Variants in EPHA5 observed in about 807,000 individuals in gnomAD.
EPHA5 encodes the protein EPH receptor A5, also known as ephrin type-A receptor 5.
Under a neutral mutation model 105.0 loss-of-function variants are expected in EPHA5, and 60 were observed. The observed-to-expected ratio is 0.57, with a 90% CI of 0.46 to 0.71. EPHA5 has a LOEUF of 0.71. EPHA5 is among the 30% of genes least tolerant of loss of function. The probability of loss-of-function intolerance (pLI) is 0.00; values close to 1 mark genes in which losing one functional copy is unlikely to be tolerated. For missense variants in EPHA5, 1,218 were observed against 1,274.7 expected (o/e 0.96, Z 0.68); for synonymous variants, 513 against 449.1 (o/e 1.14, Z -1.80).
At chr4:65,637,487 C>T (rs1747237150) in intron 2 of EPHA5, among the ~76,000 whole-genome samples, 1 of 148,714 alleles carries the variant, frequency 6.7e-6, no homozygotes, top group Admixed American at 6.7e-5. Flanking sequence ...TTAACAGAAA[C>T]TTGAAATTCA....
rs1021419209 is a variant in EPHA5 at position 65,490,593 on chromosome 4, T to C, written c.1186A>G (p.Lys396Glu). ...ACACCTGCATGGGAGTTGCACTTCT[T>C]GCATGCAATATAATATGACACGTCT... Reference protein sequence around the residue: ...RKDVSYYIACKKCNSHAGVCE... With the variant: ...RKDVSYYIACEKCNSHAGVCE... The change falls in exon 5 of 17, where the codon AAG becomes GAG. Residue 396 changes from lysine (K) to glutamate (E), a missense_variant. Lys to Glu is a moderately conservative substitution (Grantham distance 56, BLOSUM62 1). Coordinates refer to ENST00000613740, the MANE Select transcript of EPHA5 (RefSeq NM_001281766.3). The C allele has an allele frequency of 1.9e-6, 3 of 1,614,156 alleles. No homozygotes were observed. The highest frequency in any genetic ancestry group is 2.5e-6 in the Non-Finnish European group (3 of 1,180,018).
chr4:65,474,034 A>G (rs1233957470), intron 5 of EPHA5, among the ~76,000 whole-genome samples: 1 of 146,106 alleles, frequency 6.8e-6, no homozygotes, highest in Admixed American at 6.9e-5. Flanking sequence ...GTGGGGGGAG[A>G]GGGGAGGGAT....
In EPHA5 at chr4:65,322,101, A is replaced by G. The variant is rs1455177106; in HGVS notation, c.*2013T>C. ...AAATATTAAATTCACATCTCTGGAA[A>G]TTTTACTAAACTAATAGATTATATG... On this transcript the variant is annotated 3_prime_UTR_variant, in exon 17 of 17. Transcript: ENST00000613740. The G allele has an allele frequency of 4.4e-6, 1 of 224,776 alleles. No individual in the cohort carries two copies. Among genetic ancestry groups the G allele is most frequent in the Non-Finnish European group, 8.9e-6 (1 of 112,828 alleles). 13.9% of individuals were successfully genotyped at this position (224,776 alleles called of 1,614,324 possible). A position where few individuals can be genotyped will look rare whatever the true frequency, so the allele number is the denominator to read the frequency against.
At chr4:65,600,362 T>C (rs1215383339) in intron 3 of EPHA5, among the ~76,000 whole-genome samples, 1 of 151,924 alleles carries the variant, frequency 6.6e-6, no homozygotes, top group Non-Finnish European at 1.5e-5. Context: ...TAAAATCAGA[T>C]GTAGAAAGTT....
intron 15 of EPHA5, 109 bp from the exon 16 acceptor site, chr4:65,332,237 T>A: frequency 1.2e-6 from 1 of 848,572 alleles, no homozygotes; most frequent in Non-Finnish European, 1.7e-6. Flanking sequence ...TGTAAGTATA[T>A]TTATAGAGGA....
At chr4:65,628,380 T>C (rs899722972) in intron 2 of EPHA5, among the ~76,000 whole-genome samples, 1 of 152,086 alleles carries the variant, frequency 6.6e-6, no homozygotes, top group Non-Finnish European at 1.5e-5. Flanking sequence ...AAATTACTGA[T>C]GATTGGTTAG....
At chr4:65,467,581 G>A (rs1010891847) in intron 5 of EPHA5, among the ~76,000 whole-genome samples, 4 of 152,148 alleles carry the variant, frequency 2.6e-5, no homozygotes, top group Admixed American at 1.3e-4. Context: ...TTATCTCAAC[G>A]AAAGCCATCC....
intron 3 of EPHA5, among the ~76,000 whole-genome samples, chr4:65,550,082 T>G (rs926002490): frequency 4.6e-5 from 7 of 152,014 alleles, no homozygotes; most frequent in Non-Finnish European, 1.0e-4. Context: ...CCTTAGGAAT[T>G]TTTTTCAAAG....
chr4:65,348,815 A>ATATTTTTTTTT (rs71657404), intron 13 of EPHA5, among the ~76,000 whole-genome samples: 1 of 64,120 alleles, frequency 1.6e-5, no homozygotes, highest in Non-Finnish European at 2.7e-5. Context: ...ATATATATAT[A>ATATTTTTTTTT]TTTTTTTTTT....
intron 2 of EPHA5, among the ~76,000 whole-genome samples, chr4:65,622,926 A>G (rs879871496): frequency 2.6e-5 from 4 of 152,086 alleles, no homozygotes; most frequent in Non-Finnish European, 5.9e-5. Context: ...TCATAAAGAG[A>G]CTCAGCAAGG....
At chr4:65,329,990 T>C (rs1720439013) in intron 16 of EPHA5, among the ~76,000 whole-genome samples, 2 of 151,558 alleles carry the variant, frequency 1.3e-5, no homozygotes, top group South Asian at 2.1e-4. Flanking sequence ...TGTAGTTAAA[T>C]TTAAAGGGCC....
chr4:65,446,146 A>G (rs1043004409), intron 5 of EPHA5, among the ~76,000 whole-genome samples: 2 of 152,150 alleles, frequency 1.3e-5, no homozygotes, highest in African/African-American at 4.8e-5. Flanking sequence ...CAAATGTTTC[A>G]ATGGGTTACA....
At position 65,353,847 on chromosome 4, in the gene EPHA5, C is replaced by T. The variant is rs370752151; in HGVS notation, c.2174-744G>A. 8.6e-5 allele frequency among the ~76,000 whole-genome samples: 13 copies of T among 151,792 alleles called. No individual in the cohort carries two copies. In the East Asian group the frequency reaches 1.6e-3, roughly 18 times the overall value. ...CTACACACTTAAAATCTCGATTAAC[C>T]CCACTTTTCTTTTCATTTTTTAAAG... On this transcript the variant is annotated intron_variant, in intron 11 of 16. Coordinates refer to ENST00000613740, the MANE Select transcript of EPHA5 (RefSeq NM_001281766.3).
intron 5 of EPHA5, among the ~76,000 whole-genome samples, chr4:65,427,735 A>G (rs540490676): frequency 2.0e-5 from 3 of 152,282 alleles, no homozygotes; most frequent in Admixed American, 6.5e-5. Context: ...CCTACATCCA[A>G]TGAATTTATC....
chr4:65,425,693 TG>T (rs1440692538), intron 5 of EPHA5, among the ~76,000 whole-genome samples: 1 of 152,064 alleles, frequency 6.6e-6, no homozygotes, highest in Admixed American at 6.6e-5. Context: ...GGCTGAAAGT[TG>T]GATCAGTATT....
intron 3 of EPHA5, among the ~76,000 whole-genome samples, chr4:65,498,727 G>A (rs757964233): frequency 3.3e-5 from 5 of 151,684 alleles, no homozygotes; most frequent in Non-Finnish European, 7.4e-5. Context: ...CAGAGAACAG[G>A]ACATGAAATG....
chr4:65,562,286 A>G (rs1414647433), intron 3 of EPHA5, among the ~76,000 whole-genome samples: 1 of 152,050 alleles, frequency 6.6e-6, no homozygotes, highest in Non-Finnish European at 1.5e-5. Flanking sequence ...ACAAAATTTT[A>G]TTGACACTAA....
In EPHA5 at chr4:65,336,067, G is replaced by C. The variant is rs2148813665; in HGVS notation, c.2654C>G (p.Ala885Gly). ...RLPSPMDCPA[A>G]LYQLMLDCWQ... ...GCAATCCAGCATTAACTGATAGAGA[G>C]CAGCAGGACAATCCATGGGGCTTGG... Residue 885 changes from alanine (A) to glycine (G), a missense_variant, in exon 15 of 17, where the codon GCT becomes GGT. Around this residue, in one of 3 missense-constraint regions of EPHA5, gnomAD observed 971 missense variants for 1,013.5 expected, o/e 0.96. Transcript: ENST00000613740. The C allele has an allele frequency of 6.2e-7, 1 of 1,613,122 alleles. No individual in the cohort carries two copies.
At chr4:65,480,892 C>T (rs372909947) in intron 5 of EPHA5, among the ~76,000 whole-genome samples, 2 of 113,788 alleles carry the variant, frequency 1.8e-5, no homozygotes, top group African/African-American at 2.8e-5. Flanking sequence ...AATAATAATT[C>T]CCAGGAGAGG....
Sources: gnomAD v4.1 joint callset for allele counts (sites outside exome capture counted in the v4.1 genomes callset) on GRCh38, gnomAD v4.1.1 for gene constraint, gnomAD v4.1.1 regional missense constraint, MANE v1.5 for transcripts, NCBI Gene and HGNC (gene_info 2026-07-23, HGNC 2026-07-21) for gene names.